Variants in LIG1 observed in about 807,000 individuals in gnomAD.
LIG1 encodes ligase I, DNA, ATP-dependent.
In LIG1, 70 loss-of-function variants were observed where a neutral mutation model predicts 115.7. The ratio of observed to expected loss-of-function variants is 0.60; its 90% CI spans 0.50 to 0.74. The LOEUF (loss-of-function observed/expected upper bound fraction) is 0.74. LIG1 is among the 30% of genes least tolerant of loss of function. LIG1 has a pLI of 0.00. For synonymous variants in LIG1, 487 were observed against 495.3 expected (o/e 0.98, Z 0.22); for missense variants, 1,115 against 1,225.6 (o/e 0.91, Z 1.35).
intron 15 of LIG1, 37 bp downstream of exon 15, chr19:48,135,997 C>G (rs1404330382): frequency 2.0e-6 from 3 of 1,476,088 alleles, no homozygotes. Context: ...TGAGGTAACT[C>G]CAGCGAGGGA....
intron 21 of LIG1, among the ~76,000 whole-genome samples, chr19:48,126,241 G>A (rs1262977007): frequency 1.3e-5 from 2 of 152,210 alleles, no homozygotes; most frequent in East Asian, 1.9e-4. Flanking sequence ...ATGTGGCCTG[G>A]CTCCAGATTC....
rs1966183941 is a variant in LIG1, at chr19:48,137,088, G to A, written c.1255-4C>T. 1 of 1,611,662 alleles carries A rather than the reference G, an allele frequency of 6.2e-7. No homozygotes were observed. Among genetic ancestry groups the A allele is most frequent in the African/African-American group, 1.3e-5 (1 of 74,900 alleles). On this transcript the variant is annotated splice_polypyrimidine_tract_variant and splice_region_variant and intron_variant, in intron 13 of 27. Coordinates refer to ENST00000263274, the MANE Select transcript of LIG1 (RefSeq NM_000234.3). This position sits in a 1 kb window ranked among gnomAD's most constrained non-coding sequence, Gnocchi z 4.3. ...TGTCTATCTTCTTGGCTGTGGACTG[G>A]AGAGTCAGGGGAAGAGCCGTCAGTG... is the stretch of plus-strand genomic sequence containing the variant.
Position 48,157,015 on chromosome 19 carries a change from T to C in LIG1, c.369A>G (p.Thr123=). 1.3e-6 allele frequency: 2 copies of C among 1,597,024 alleles called. No individual in the cohort carries two copies. The change falls in exon 5 of 28, where the codon ACA becomes ACG. Residue 123 remains threonine, a splice_region_variant and synonymous_variant. Coordinates refer to ENST00000263274, the MANE Select transcript of LIG1 (RefSeq NM_000234.3). ...GGGCAGGGGCCCGTGTGTTCTCACC[T>C]GTGCGACGCTTCGGAATCCCTGATG... ...SSPSGIPKRR[T]ARKQLPKRTI...
Position 48,143,892 on chromosome 19 carries a change from G to T in LIG1, c.848C>A (p.Pro283Gln). Residue 283 changes from proline (P) to glutamine (Q), a missense_variant, in exon 10 of 28, where the codon CCG (proline) becomes CAG (glutamine). Pro to Gln is a moderately conservative substitution (Grantham distance 76). Transcript: ENST00000263274. ...AAGGGAGAAACCTCACTTCTGGCCCGGTTTCCAGCAGGCATCTTCCACGGG... is the reference window on the plus strand; with the variant it reads ...AAGGGAGAAACCTCACTTCTGGCCCTGTTTCCAGCAGGCATCTTCCACGGG... ...YHPVEDACWKPGQKVPYLAVA... is the reference protein window; with the variant it reads ...YHPVEDACWKQGQKVPYLAVA... The T allele has an allele frequency of 6.2e-7, 1 of 1,613,468 alleles. No individual in the cohort carries two copies. The highest frequency in any genetic ancestry group is 1.1e-5 in the South Asian group (1 of 91,066).
At position 48,119,208 on chromosome 19, in the gene LIG1, G is replaced by A; in HGVS notation, c.2386-18C>T. Reference sequence around the variant, plus strand: ...GTTCCAAGCTGCAGGGAGGAAGCGGGAGGTCAGAGGCTCAGCCAGCCACAG... The same window carrying A: ...GTTCCAAGCTGCAGGGAGGAAGCGGAAGGTCAGAGGCTCAGCCAGCCACAG... On this transcript the variant is annotated intron_variant, in intron 24 of 27. Coordinates refer to ENST00000263274, the MANE Select transcript of LIG1 (RefSeq NM_000234.3). 2 of 1,577,696 alleles carry A rather than the reference G, an allele frequency of 1.3e-6. No individual in the cohort carries two copies. Among genetic ancestry groups the A allele is most frequent in the African/African-American group, 1.4e-5 (1 of 73,930 alleles).
At chr19:48,127,191 G>T in intron 21 of LIG1, 86 bp downstream of exon 21, 1 of 1,107,018 alleles carries the variant, frequency 9.0e-7, no homozygotes, top group Non-Finnish European at 1.4e-6. Flanking sequence ...GGCAGAGTCG[G>T]AAATGGAAGT....
At chr19:48,120,559 A>C (rs1041961663) in intron 24 of LIG1, 2 of 985,208 alleles carry the variant, frequency 2.0e-6, no homozygotes, top group Non-Finnish European at 2.4e-6. Context: ...AGCTTTAAGA[A>C]AAACTTTAAC....
intron 4 of LIG1, among the ~76,000 whole-genome samples, chr19:48,159,221 G>A (rs2036031397): frequency 6.6e-6 from 1 of 152,118 alleles, no homozygotes; most frequent in Non-Finnish European, 1.5e-5. Context: ...GGGACTACAG[G>A]CCCGTGCCAC....
chr19:48,170,322 A>G lies in LIG1; in HGVS notation c.-139T>C, dbSNP rs1374247646. The stretch of plus-strand genomic sequence containing the variant: ...GCCTCTGCAGTCCCAAGTTCGCGCC[A>G]CGGCATTCGCGCGCAGACGTCTGCG... On this transcript the variant is annotated 5_prime_UTR_variant, in exon 1 of 28. Coordinates refer to ENST00000263274, the MANE Select transcript of LIG1 (RefSeq NM_000234.3). The G allele has an allele frequency of 2.2e-6, 1 of 446,158 alleles. No homozygotes were observed. The highest frequency in any genetic ancestry group is 2.1e-5 in the African/African-American group (1 of 48,440). The allele number at this position is 446,158 out of a possible 1,614,324, so 27.6% of individuals were successfully genotyped here.
intron 2 of LIG1, among the ~76,000 whole-genome samples, chr19:48,164,786 G>A (rs2036387615): frequency 6.6e-6 from 1 of 152,214 alleles, no homozygotes; most frequent in African/African-American, 2.4e-5. Context: ...TCTTCCTGAA[G>A]CCGGACTGCA....
chr19:48,128,057 G>A, intron 19 of LIG1, 37 bp from the exon 20 acceptor site: 1 of 1,519,574 alleles, frequency 6.6e-7, no homozygotes, highest in East Asian at 2.3e-5. Flanking sequence ...GCCTGAGAGA[G>A]GTGGAAGATG....
At chr19:48,130,631 G>C (rs2033955523) in intron 19 of LIG1, among the ~76,000 whole-genome samples, 1 of 152,212 alleles carries the variant, frequency 6.6e-6, no homozygotes, top group African/African-American at 2.4e-5. Context: ...ACCCAGTGCT[G>C]GACAGTGACT....
intron 1 of LIG1, chr19:48,169,910 T>TCC (rs1599909277): frequency 1.2e-5 from 1 of 81,332 alleles, no homozygotes; most frequent in African/African-American, 7.1e-5. Flanking sequence ...CCACACAGTT[T>TCC]TCCCCCCCCC....
chr19:48,115,936 G>A lies in LIG1; in HGVS notation c.2613C>T (p.Arg871=), dbSNP rs1234999270. ...CACGGACTCGAATAAACCGAGGGAA[G>A]CGAAGGGAGATGCCCTTGTCACTAT... ...LVDSDKGISL[R]FPRFIRVRED... is the part of the protein sequence containing the mutation. The change falls in exon 27 of 28, where the codon CGC becomes CGT. Residue 871 remains arginine (R), a synonymous_variant. Transcript: ENST00000263274. 2.5e-6 allele frequency: 4 copies of A among 1,613,846 alleles called. No individual in the cohort carries two copies. Among genetic ancestry groups the A allele is most frequent in the Non-Finnish European group, 3.4e-6 (4 of 1,179,990 alleles).
intron 4 of LIG1, chr19:48,161,149 G>C (rs1568552165): frequency 1.6e-6 from 1 of 614,518 alleles, no homozygotes. Flanking sequence ...GCATGTTACA[G>C]TTGAGGCATC....
chr19:48,123,326 GC>G lies in LIG1; in HGVS notation c.2005-9del, dbSNP rs2033429769. ...GGGCTCACGTACCAGGGACTGCAGGGCCGGCAGGGAGAAGAGAGATGAGACA... is the reference window on the plus strand; with the variant it reads ...GGGCTCACGTACCAGGGACTGCAGGGCGGCAGGGAGAAGAGAGATGAGACA... On this transcript the variant is annotated splice_polypyrimidine_tract_variant and intron_variant, in intron 21 of 27. Transcript: ENST00000263274. The G allele has an allele frequency of 3.7e-6, 6 of 1,612,642 alleles. No individual in the cohort carries two copies. The South Asian group carries it at 6.6e-5, about 18-fold the overall frequency.
At chr19:48,141,874 C>A (rs376905348) in intron 11 of LIG1, among the ~76,000 whole-genome samples, 20 of 152,166 alleles carry the variant, frequency 1.3e-4, no homozygotes, top group Admixed American at 6.5e-4. Context: ...AACAGCCCCC[C>A]CAAAATTCAG....
chr19:48,137,314 T>C lies in LIG1; in HGVS notation c.1254+208A>G, dbSNP rs972048039. 1.3e-5 allele frequency among the ~76,000 whole-genome samples: 2 copies of C among 152,184 alleles called. No homozygotes were observed. Among genetic ancestry groups the C allele is most frequent in the African/African-American group, 2.4e-5 (1 of 41,460 alleles). ...AGGAAGTATTTACTGAGTCCTGTCATGTGGCAGCCATGGCATTAGGTCTGC... is the reference window on the plus strand; with the variant it reads ...AGGAAGTATTTACTGAGTCCTGTCACGTGGCAGCCATGGCATTAGGTCTGC... On this transcript the variant is annotated intron_variant, in intron 13 of 27. Coordinates refer to ENST00000263274, the MANE Select transcript of LIG1 (RefSeq NM_000234.3). The surrounding 1 kb of genome is among the most constrained non-coding windows in gnomAD (Gnocchi z 4.3).
In LIG1 at chr19:48,160,595, G is replaced by A. The variant is rs117027665; in HGVS notation, c.243+777C>T. On this transcript the variant is annotated intron_variant, in intron 4 of 27. Coordinates refer to ENST00000263274, the MANE Select transcript of LIG1 (RefSeq NM_000234.3). The stretch of plus-strand genomic sequence containing the variant: ...CCACTGACAGAATAAGCAGCACCAC[G>A]CTTTGGACATCATCCACAAAGCAAT... Among the ~76,000 whole-genome samples, 18 of 152,316 alleles carry A rather than the reference G, an allele frequency of 1.2e-4. No individual in the cohort carries two copies. The East Asian group carries it at 2.5e-3, about 21-fold the overall frequency.
Sources: allele counts gnomAD v4.1 joint callset (sites outside exome capture counted in the v4.1 genomes callset), GRCh38; gene constraint gnomAD v4.1.1; non-coding constraint Gnocchi (gnomAD v3.1); transcripts MANE v1.5; gene names NCBI Gene and HGNC (gene_info 2026-07-23, HGNC 2026-07-21).